MIPOL1: variants seen among roughly 807,000 people sequenced by gnomAD.
The protein encoded by MIPOL1 is mirror-image polydactyly gene 1 protein.
Under a neutral mutation model 60.9 loss-of-function variants are expected in MIPOL1, and 57 were observed. The ratio of observed to expected loss-of-function variants is 0.94; its 90% CI spans 0.76 to 1.17. MIPOL1 has a LOEUF of 1.17. Ranked by LOEUF, MIPOL1 falls within the 50% of genes most tolerant of loss-of-function variation. The pLI is 0.00. For missense variants in MIPOL1, 551 were observed against 511.6 expected (o/e 1.08, Z -0.74); for synonymous variants, 179 against 168.8 (o/e 1.06, Z -0.47).
chr14:37,364,642 AAAGTG>A (rs1297300416), intron 9 of MIPOL1, among the ~76,000 whole-genome samples: 1 of 152,150 alleles, frequency 6.6e-6, no homozygotes, highest in Non-Finnish European at 1.5e-5. Flanking sequence ...AGTATAATTT[AAAGTG>A]AAGTAAAGAG....
chr14:37,376,055 G>A (rs1219028135), intron 10 of MIPOL1, among the ~76,000 whole-genome samples: 1 of 151,876 alleles, frequency 6.6e-6, no homozygotes, highest in Non-Finnish European at 1.5e-5. Flanking sequence ...GTAGTTTTAG[G>A]TTCACATCAA....
intron 11 of MIPOL1, among the ~76,000 whole-genome samples, chr14:37,491,166 C>T (rs1347774911): frequency 6.6e-6 from 1 of 152,136 alleles, no homozygotes; most frequent in Non-Finnish European, 1.5e-5. Context: ...TTATGAAGCA[C>T]ACAGTATACT....
At chr14:37,340,088 T>C (rs1298048496) in intron 9 of MIPOL1, among the ~76,000 whole-genome samples, 1 of 152,202 alleles carries the variant, frequency 6.6e-6, no homozygotes, top group East Asian at 1.9e-4. Context: ...CTCCTGCATC[T>C]TCTTTCCTCT....
At chr14:37,476,264 C>G (rs1177148678) in intron 11 of MIPOL1, among the ~76,000 whole-genome samples, 1 of 152,112 alleles carries the variant, frequency 6.6e-6, no homozygotes, top group Non-Finnish European at 1.5e-5. Context: ...CTAATTATTA[C>G]TAGTTCCAGG....
At chr14:37,396,520 C>G (rs536476149) in intron 10 of MIPOL1, among the ~76,000 whole-genome samples, 1 of 152,048 alleles carries the variant, frequency 6.6e-6, no homozygotes, top group African/African-American at 2.4e-5. Flanking sequence ...ATGTGTAGGT[C>G]TCTAGCAATG....
intron 11 of MIPOL1, among the ~76,000 whole-genome samples, chr14:37,451,995 T>G (rs1407715890): frequency 6.6e-6 from 1 of 151,088 alleles, no homozygotes; most frequent in Non-Finnish European, 1.5e-5. Flanking sequence ...TTTTGTATTT[T>G]TAGTAGAGAC....
intron 9 of MIPOL1, among the ~76,000 whole-genome samples, chr14:37,314,781 A>G (rs550277778): frequency 1.1e-4 from 16 of 152,254 alleles, no homozygotes; most frequent in African/African-American, 3.6e-4. Flanking sequence ...ATTTGTGTCA[A>G]TCACAGTCCC....
chr14:37,330,913 T>G (rs1050489666), intron 9 of MIPOL1, among the ~76,000 whole-genome samples: 1 of 152,116 alleles, frequency 6.6e-6, no homozygotes, highest in African/African-American at 2.4e-5. Context: ...TTGTTGTATC[T>G]AAAGGGCTAA....
chr14:37,381,380 A>G (rs934172990), intron 10 of MIPOL1, among the ~76,000 whole-genome samples: 49 of 152,188 alleles, frequency 3.2e-4, no homozygotes, highest in African/African-American at 1.2e-3. Flanking sequence ...TCGTATTACA[A>G]TGGCCAAAAG....
intron 1 of MIPOL1, among the ~76,000 whole-genome samples, chr14:37,210,358 T>G (rs1275961823): frequency 6.6e-6 from 1 of 152,028 alleles, no homozygotes; most frequent in East Asian, 1.9e-4. Context: ...TACCTTCTCT[T>G]TAGTTTTGAT....
intron 9 of MIPOL1, among the ~76,000 whole-genome samples, chr14:37,317,478 A>G (rs1376619712): frequency 6.6e-6 from 1 of 152,112 alleles, no homozygotes; most frequent in Non-Finnish European, 1.5e-5. Flanking sequence ...TTTGATTTTA[A>G]CTAAGACTGA....
intron 7 of MIPOL1, among the ~76,000 whole-genome samples, chr14:37,291,025 C>T (rs377378340): frequency 6.6e-6 from 1 of 152,076 alleles, no homozygotes; most frequent in African/African-American, 2.4e-5. Flanking sequence ...CACCCATGTT[C>T]CTGTGAAGGA....
Position 37,542,846 on chromosome 14 carries a change from T to C in MIPOL1, c.1263-4059T>C, listed in dbSNP as rs12101224. On this transcript the variant is annotated intron_variant, in intron 12 of 12. Coordinates refer to ENST00000684589, the MANE Select transcript of MIPOL1 (RefSeq NM_001388067.1). ...CAGCACAATGCCTGGCACATAGGAATTGCCCAACAAATACTTGTTGATTGA... is the reference window on the plus strand; with the variant it reads ...CAGCACAATGCCTGGCACATAGGAACTGCCCAACAAATACTTGTTGATTGA... 6.6e-3 allele frequency among the ~76,000 whole-genome samples: 1,005 copies of C among 152,310 alleles called. 14 individuals are homozygous for C. Among genetic ancestry groups the C allele is most frequent in the African/African-American group, 0.023 (976 of 41,570 alleles).
intron 10 of MIPOL1, among the ~76,000 whole-genome samples, chr14:37,386,200 A>G (rs1379653020): frequency 1.3e-5 from 2 of 152,030 alleles, no homozygotes; most frequent in African/African-American, 2.4e-5. Context: ...TATAAACTTT[A>G]TTCTCAATTT....
chr14:37,218,903 C>CT (rs1968232177), intron 1 of MIPOL1, among the ~76,000 whole-genome samples: 1 of 122,592 alleles, frequency 8.2e-6, no homozygotes, highest in African/African-American at 3.1e-5. Flanking sequence ...CCAGCCTGGG[C>CT]AACAGAGTGA....
In MIPOL1 at chr14:37,349,820, G is replaced by A. The variant is rs568588721; in HGVS notation, c.829-19697G>A. ...CTCCATGACAGTGCATTTTTACCTA[G>A]CTTCTTAGATGCTGTATCCGCAGCC... On this transcript the variant is annotated intron_variant, in intron 9 of 12. Transcript: ENST00000684589. 1.3e-4 allele frequency among the ~76,000 whole-genome samples: 20 copies of A among 152,048 alleles called. No individual in the cohort carries two copies. In the East Asian group the frequency reaches 3.7e-3, roughly 28 times the overall value.
At chr14:37,540,951 C>G (rs1470410297) in intron 12 of MIPOL1, among the ~76,000 whole-genome samples, 1 of 152,192 alleles carries the variant, frequency 6.6e-6, no homozygotes, top group East Asian at 1.9e-4. Context: ...TGCTTCTGAT[C>G]TCCTGATCAA....
intron 11 of MIPOL1, among the ~76,000 whole-genome samples, chr14:37,463,705 T>G (rs189092408): frequency 6.6e-6 from 1 of 152,176 alleles, no homozygotes; most frequent in Admixed American, 6.5e-5. Flanking sequence ...TAAGCAAAGA[T>G]TTTATAACTA....
chr14:37,338,451 C>T (rs1440794558), intron 9 of MIPOL1, among the ~76,000 whole-genome samples: 7 of 151,602 alleles, frequency 4.6e-5, no homozygotes, highest in Admixed American at 3.3e-4. Context: ...CACTGTCATC[C>T]AGGCTAGAAT....
Sources: gnomAD v4.1 joint callset for allele counts (sites outside exome capture counted in the v4.1 genomes callset) on GRCh38, gnomAD v4.1.1 for gene constraint, MANE v1.5 for transcripts, NCBI Gene and HGNC (gene_info 2026-07-23, HGNC 2026-07-21) for gene names.